The following ENOSF1 variants were observed in gnomAD, a reference collection of about 807,000 sequenced individuals.
ENOSF1 encodes enolase superfamily member 1, also known as mitochondrial enolase superfamily member 1.
Under a neutral mutation model 68.2 loss-of-function variants are expected in ENOSF1, and 73 were observed. The ratio of observed to expected loss-of-function variants is 1.07; its 90% confidence interval spans 0.89 to 1.30. The LOEUF (loss-of-function observed/expected upper bound fraction) is 1.30. Among genes scored for constraint, ENOSF1 ranks in the 50% most tolerant of loss-of-function variants. The pLI, the probability that ENOSF1 is intolerant of heterozygous loss-of-function variation, is 0.00. For missense variants in ENOSF1, 589 were observed against 554.5 expected (o/e 1.06, Z -0.62); for synonymous variants, 223 against 210.4 (o/e 1.06, Z -0.52).
chr18:691,023 G>A (rs2077101497), intron 7 of ENOSF1, 45 bp downstream of exon 7: 9 of 1,605,456 alleles, frequency 5.6e-6, no homozygotes, highest in Non-Finnish European at 7.7e-6. Context: ...CTCAAAAGTG[G>A]ACAATGTTAG....
rs1048066864 is a variant in ENOSF1, at chr18:683,247, T to C, written c.875A>G (p.Lys292Arg). ...CAGCAGCAGCAGCCGTTTTCCTACC[T>C]TGGAAATGGTGGCGTGCCCCAGAAT... ...DDILGHATIS[K>R]ALVPLGIGIA... Residue 292 changes from lysine to arginine, a missense_variant and splice_region_variant, in exon 11 of 16, where the codon AAG (lysine) becomes AGG (arginine). Transcript: ENST00000647584. 5.0e-6 allele frequency: 8 copies of C among 1,614,022 alleles called. No individual in the cohort carries two copies. The highest frequency in any genetic ancestry group is 2.2e-5 in the East Asian group (1 of 44,830).
chr18:676,508 T>C (rs1475973069), intron 14 of ENOSF1, among the ~76,000 whole-genome samples: 3 of 152,172 alleles, frequency 2.0e-5, no homozygotes, highest in African/African-American at 7.2e-5. Flanking sequence ...TGTTCCCCCT[T>C]CACCTTCCAT....
chr18:709,233 G>A (rs1598833805), intron 1 of ENOSF1, among the ~76,000 whole-genome samples: 1 of 152,136 alleles, frequency 6.6e-6, no homozygotes, highest in East Asian at 1.9e-4. Context: ...GTCAGAATGC[G>A]GAGAGGGTCT....
chr18:677,247 G>C, intron 14 of ENOSF1, 98 bp downstream of exon 14: 1 of 985,962 alleles, frequency 1.0e-6, no homozygotes, highest in Non-Finnish European at 1.6e-6. Context: ...AGCGGACAAG[G>C]TCTTAGTGTG....
intron 5 of ENOSF1, 51 bp downstream of exon 5, chr18:693,831 G>A (rs1484435265): frequency 1.9e-6 from 3 of 1,611,552 alleles, no homozygotes; most frequent in Non-Finnish European, 2.5e-6. Flanking sequence ...TGTCATCAAT[G>A]ATATCCATTT....
chr18:709,015 G>A (rs1229399044), intron 1 of ENOSF1, among the ~76,000 whole-genome samples: 3 of 152,154 alleles, frequency 2.0e-5, no homozygotes, highest in Admixed American at 1.3e-4. Flanking sequence ...AAAGTGACTC[G>A]AAGCTTTTGG....
chr18:708,290 C>T (rs1247008116), intron 1 of ENOSF1, among the ~76,000 whole-genome samples: 4 of 152,126 alleles, frequency 2.6e-5, no homozygotes, highest in Admixed American at 6.5e-5. Flanking sequence ...TGTGATGCAT[C>T]GCTGAGCATC....
the ENOSF1 span, among the ~76,000 whole-genome samples, chr18:664,036 T>A: frequency 3.3e-5 from 4 of 121,508 alleles, no homozygotes; most frequent in Admixed American, 3.0e-4. Context: ...TAAAGTAGTT[T>A]TTTCCAATTC....
intron 2 of ENOSF1, among the ~76,000 whole-genome samples, chr18:697,885 C>G (rs183565921): frequency 6.6e-6 from 1 of 152,166 alleles, no homozygotes; most frequent in Non-Finnish European, 1.5e-5. Context: ...CCTTGACCTC[C>G]CCGGCTCAGG....
chr18:671,005 C>A lies in ENOSF1; in HGVS notation c.*3300G>T. 1 of 1,065,350 alleles carries A rather than the reference C, an allele frequency of 9.4e-7. No homozygotes were observed. The highest frequency in any genetic ancestry group is 1.7e-5 in the South Asian group (1 of 60,292). 66.0% of individuals were successfully genotyped at this position (1,065,350 alleles called of 1,614,324 possible). On this transcript the variant is annotated 3_prime_UTR_variant, in exon 16 of 16. Transcript: ENST00000647584. ...TATGTGTAAGTAAGAAATGAACCAGCTTTTACTTTGAAACCTTCCTCTTCT... is the reference window on the plus strand; with the variant it reads ...TATGTGTAAGTAAGAAATGAACCAGATTTTACTTTGAAACCTTCCTCTTCT...
At chr18:684,397 T>A (rs2076421277) in intron 10 of ENOSF1, among the ~76,000 whole-genome samples, 1 of 151,774 alleles carries the variant, frequency 6.6e-6, no homozygotes. Context: ...GTGTGGTGGC[T>A]CTCACTTGTA....
At chr18:674,520 TTAA>T in intron 15 of ENOSF1, 114 bp from the exon 16 acceptor site, 8 of 682,012 alleles carry the variant, frequency 1.2e-5, no homozygotes, top group South Asian at 6.2e-5. Flanking sequence ...AGGCAATTAA[TTAA>T]TTTTTTTTTT....
chr18:669,256 G>A (rs1357700637), downstream of ENOSF1: 3 of 1,209,510 alleles, frequency 2.5e-6, no homozygotes, highest in African/African-American at 1.5e-5. Context: ...GGCACCTGAG[G>A]GAGGCAGGAC....
intron 14 of ENOSF1, 64 bp from the exon 15 acceptor site, chr18:675,466 C>T (rs1334733210): frequency 7.1e-7 from 1 of 1,407,412 alleles, no homozygotes; most frequent in East Asian, 2.3e-5. Context: ...GTGGTGCTAA[C>T]TTAAAGCAGA....
chr18:670,768 G>C lies in ENOSF1; in HGVS notation c.*3537C>G, dbSNP rs1019504442. 55 of 1,614,050 alleles carry C rather than the reference G, an allele frequency of 3.4e-5. No individual in the cohort carries two copies. The highest frequency in any genetic ancestry group is 4.6e-5 in the Non-Finnish European group (54 of 1,180,046). The stretch of plus-strand genomic sequence containing the variant: ...TGGTGAACAGTGAGCTGTCCTGCCA[G>C]CTGTACCAGAGATCGGGAGACATGG... On this transcript the variant is annotated 3_prime_UTR_variant, in exon 16 of 16. Transcript: ENST00000647584.
chr18:685,643 G>C (rs946709029), intron 10 of ENOSF1, among the ~76,000 whole-genome samples: 2 of 152,120 alleles, frequency 1.3e-5, no homozygotes, highest in Non-Finnish European at 2.9e-5. Flanking sequence ...TGACACACCA[G>C]AGCACCAATG....
At chr18:689,631 G>C (rs1214855563) in intron 8 of ENOSF1, among the ~76,000 whole-genome samples, 1 of 152,260 alleles carries the variant, frequency 6.6e-6, no homozygotes, top group South Asian at 2.1e-4. Context: ...CTCCCAGAGA[G>C]GCTGGAATCA....
intron 2 of ENOSF1, among the ~76,000 whole-genome samples, chr18:699,445 T>C (rs964418400): frequency 6.6e-6 from 1 of 151,648 alleles, no homozygotes; most frequent in African/African-American, 2.4e-5. Flanking sequence ...GCCACTGCAC[T>C]CCAGCCTAGG....
At chr18:694,803 C>CT (rs1192110658) in intron 3 of ENOSF1, among the ~76,000 whole-genome samples, 2 of 132,212 alleles carry the variant, frequency 1.5e-5, no homozygotes, top group Non-Finnish European at 3.4e-5. Flanking sequence ...GTTTTCCTCT[C>CT]TTCTTTCTCT....
Sources: allele counts gnomAD v4.1 joint callset (sites outside exome capture counted in the v4.1 genomes callset), GRCh38; gene constraint gnomAD v4.1.1; transcripts MANE v1.5; gene names NCBI Gene and HGNC (gene_info 2026-07-23, HGNC 2026-07-21).